The following BTBD9 variants were observed in gnomAD, a reference collection of about 807,000 sequenced individuals.
The protein encoded by BTBD9 is BTB/POZ domain-containing protein 9.
Under a neutral mutation model 64.3 loss-of-function variants are expected in BTBD9, and 49 were observed. The ratio of observed to expected loss-of-function variants is 0.76; its 90% CI spans 0.61 to 0.97. The LOEUF is 0.97. Among genes scored for constraint, BTBD9 ranks in the 50% least tolerant of loss-of-function variants. BTBD9 has a pLI of 0.00. For synonymous variants in BTBD9, 260 were observed against 274.7 expected (o/e 0.95, Z 0.53); for missense variants, 598 against 762.1 (o/e 0.78, Z 2.53).
chr6:38,630,316 T>C (rs1248027092), intron 1 of BTBD9, among the ~76,000 whole-genome samples: 2 of 152,246 alleles, frequency 1.3e-5, no homozygotes, highest in African/African-American at 4.8e-5. Flanking sequence ...ATTGTTTTTG[T>C]TGCTCTAAAG....
intron 6 of BTBD9, among the ~76,000 whole-genome samples, chr6:38,429,929 A>G (rs1027241276): frequency 1.3e-5 from 2 of 151,996 alleles, no homozygotes; most frequent in African/African-American, 4.8e-5. Flanking sequence ...CTGGGATGTA[A>G]TTCAGCAGAA....
Position 38,288,298 on chromosome 6 carries a change from T to C in BTBD9, c.1428A>G (p.Ala476=). 6.2e-7 allele frequency: 1 copy of C among 1,614,178 alleles called. No homozygotes were observed. The highest frequency in any genetic ancestry group is 8.5e-7 in the Non-Finnish European group (1 of 1,179,982). The part of the protein sequence containing the change: ...LGSGAIVVQL[A]QPYMIGSIRL... ...GTATTGACCCAATCATGTACGGTTG[T>C]GCCAACTGAACCACAATCGCACCAC... The change falls in exon 8 of 11, where the codon GCA becomes GCG. Residue 476 remains alanine (A), a synonymous_variant. Coordinates refer to ENST00000481247, the MANE Select transcript of BTBD9 (RefSeq NM_001099272.2).
intron 6 of BTBD9, among the ~76,000 whole-genome samples, chr6:38,477,950 T>C (rs1770964231): frequency 6.6e-6 from 1 of 152,222 alleles, no homozygotes; most frequent in South Asian, 2.1e-4. Context: ...TTTTGAAATC[T>C]GGCCCCATCA....
At chr6:38,348,733 G>A (rs1016049562) in intron 6 of BTBD9, among the ~76,000 whole-genome samples, 5 of 152,006 alleles carry the variant, frequency 3.3e-5, no homozygotes, top group East Asian at 1.9e-4. Context: ...ATAAGATTAC[G>A]GGTGAATGGG....
chr6:38,258,390 C>T (rs989655806), intron 8 of BTBD9, among the ~76,000 whole-genome samples: 3 of 152,164 alleles, frequency 2.0e-5, no homozygotes, highest in Admixed American at 6.5e-5. Context: ...ATTATTTCAA[C>T]CTTAAAAGTC....
chr6:38,289,361 G>A (rs1256089175), intron 7 of BTBD9, among the ~76,000 whole-genome samples: 1 of 152,128 alleles, frequency 6.6e-6, no homozygotes, highest in African/African-American at 2.4e-5. Context: ...ATAACACGGT[G>A]AGACTCCCTC....
At chr6:38,569,823 A>G (rs1462252201) in intron 6 of BTBD9, among the ~76,000 whole-genome samples, 1 of 151,986 alleles carries the variant, frequency 6.6e-6, no homozygotes. Flanking sequence ...TTTTCCCCCT[A>G]ATAAAAGGGT....
chr6:38,623,674 T>G (rs773345445), intron 1 of BTBD9, among the ~76,000 whole-genome samples: 8 of 152,206 alleles, frequency 5.3e-5, no homozygotes, highest in Non-Finnish European at 1.0e-4. Flanking sequence ...CAAATTCCTA[T>G]ACCAACCTCT....
intron 1 of BTBD9, among the ~76,000 whole-genome samples, chr6:38,637,750 G>A (rs1433372687): frequency 1.3e-5 from 2 of 152,170 alleles, no homozygotes; most frequent in African/African-American, 4.8e-5. Flanking sequence ...GTGAGGCATC[G>A]ATTCCAATTA....
chr6:38,365,712 C>A (rs1765156403), intron 6 of BTBD9, among the ~76,000 whole-genome samples: 1 of 146,848 alleles, frequency 6.8e-6, no homozygotes, highest in East Asian at 2.0e-4. Context: ...GAACCAAGCT[C>A]ATGACACTCT....
intron 6 of BTBD9, among the ~76,000 whole-genome samples, chr6:38,547,415 G>A (rs1774602666): frequency 6.6e-6 from 1 of 151,468 alleles, no homozygotes; most frequent in South Asian, 2.1e-4. Flanking sequence ...GGGTGACAGA[G>A]CAAGACCCTG....
At chr6:38,564,351 A>G (rs1193824144) in intron 6 of BTBD9, among the ~76,000 whole-genome samples, 1 of 152,222 alleles carries the variant, frequency 6.6e-6, no homozygotes, top group Non-Finnish European at 1.5e-5. Context: ...AGTTCCTGCC[A>G]TGTAGCAGGC....
At position 38,315,130 on chromosome 6, in the gene BTBD9, G is replaced by A. The variant is rs1013497245; in HGVS notation, c.1265-26669C>T. ...CCCAAAGTGCTGGGATTACAGGCGT[G>A]AGCCACCATGCCCGGCCTCTGATTT... On this transcript the variant is annotated intron_variant, in intron 7 of 10. Transcript: ENST00000481247. Among the ~76,000 whole-genome samples, 53 of 152,318 alleles carry A rather than the reference G, an allele frequency of 3.5e-4. 2 individuals carry two copies. The highest frequency in any genetic ancestry group is 3.4e-3 in the Middle Eastern group (1 of 294).
intron 4 of BTBD9, among the ~76,000 whole-genome samples, chr6:38,584,882 T>C (rs1776444201): frequency 6.6e-6 from 1 of 152,004 alleles, no homozygotes; most frequent in South Asian, 2.1e-4. Context: ...CACTCAAACA[T>C]ACCACAGAAT....
intron 6 of BTBD9, among the ~76,000 whole-genome samples, chr6:38,407,022 A>G (rs997186306): frequency 6.6e-6 from 1 of 152,222 alleles, no homozygotes; most frequent in African/African-American, 2.4e-5. Flanking sequence ...TGTTTCCACT[A>G]CCTGGCTGTC....
intron 6 of BTBD9, among the ~76,000 whole-genome samples, chr6:38,493,998 C>T (rs1771820561): frequency 6.6e-6 from 1 of 152,188 alleles, no homozygotes; most frequent in African/African-American, 2.4e-5. Flanking sequence ...CAAGTTTCCA[C>T]AGCTAAAGGC....
At chr6:38,422,493 A>C (rs1227760379) in intron 6 of BTBD9, among the ~76,000 whole-genome samples, 1 of 152,138 alleles carries the variant, frequency 6.6e-6, no homozygotes, top group Non-Finnish European at 1.5e-5. Flanking sequence ...ATTTTCTATA[A>C]ATTTTATTTC....
chr6:38,404,798 T>A (rs1767093718), intron 6 of BTBD9, among the ~76,000 whole-genome samples: 1 of 152,210 alleles, frequency 6.6e-6, no homozygotes, highest in Admixed American at 6.5e-5. Context: ...ATGGTTTCAC[T>A]CCAGGTAAAA....
At chr6:38,210,534 GTT>G (rs1221621856) in intron 9 of BTBD9, among the ~76,000 whole-genome samples, 43 of 87,740 alleles carry the variant, frequency 4.9e-4, no homozygotes, top group African/African-American at 1.6e-3. Flanking sequence ...GAGTGCGTGT[GTT>G]TGTGTGTGTG....
Sources: allele counts gnomAD v4.1 joint callset (sites outside exome capture counted in the v4.1 genomes callset), GRCh38; gene constraint gnomAD v4.1.1; transcripts MANE v1.5; gene names NCBI Gene and HGNC (gene_info 2026-07-23, HGNC 2026-07-21).